The following RAB27A variants were observed in gnomAD, a reference collection of about 807,000 sequenced individuals.
RAB27A encodes the protein RAB27A, member RAS oncogene family, also known as ras-related protein Rab-27A.
A neutral mutation model predicts 20.8 loss-of-function variants in RAB27A; 17 were observed. The ratio of observed to expected loss-of-function variants is 0.82; its 90% confidence interval spans 0.56 to 1.23. The LOEUF is 1.23. RAB27A is among the 50% of genes most tolerant of loss of function. The pLI, the probability that RAB27A is intolerant of heterozygous loss-of-function variation, is 0.00. For missense variants in RAB27A, 277 were observed against 266.7 expected (o/e 1.04, Z -0.27); for synonymous variants, 85 against 92.8 (o/e 0.92, Z 0.48).
At chr15:55,282,084 G>A (rs1898031348) in intron 1 of RAB27A, among the ~76,000 whole-genome samples, 1 of 152,110 alleles carries the variant, frequency 6.6e-6, no homozygotes, top group African/African-American at 2.4e-5. Flanking sequence ...CTTTAACATA[G>A]GGAAATCATA....
intron 1 of RAB27A, among the ~76,000 whole-genome samples, chr15:55,318,322 C>A (rs1179988835): frequency 6.6e-6 from 1 of 151,298 alleles, no homozygotes; most frequent in Non-Finnish European, 1.5e-5. Context: ...TGGTCTCGAT[C>A]CTCTGACCTC....
intron 2 of RAB27A, among the ~76,000 whole-genome samples, chr15:55,299,046 A>G (rs1307377607): frequency 6.6e-6 from 1 of 152,186 alleles, no homozygotes; most frequent in East Asian, 1.9e-4. Flanking sequence ...TCCTGAGGTG[A>G]CATACATCCT....
chr15:55,308,137 C>T (rs2055006103), intron 2 of RAB27A, among the ~76,000 whole-genome samples: 1 of 152,138 alleles, frequency 6.6e-6, no homozygotes, highest in Non-Finnish European at 1.5e-5. Flanking sequence ...AGGGTCCTGC[C>T]TTGCGGCTCT....
chr15:55,316,844 ACTC>A (rs1262326569), intron 1 of RAB27A, among the ~76,000 whole-genome samples: 5 of 151,968 alleles, frequency 3.3e-5, no homozygotes, highest in African/African-American at 7.3e-5. Flanking sequence ...ACTCTCAACT[ACTC>A]CTCCACACTG....
At chr15:55,264,291 T>A (rs546089578) in intron 2 of RAB27A, among the ~76,000 whole-genome samples, 3 of 152,364 alleles carry the variant, frequency 2.0e-5, no homozygotes, top group East Asian at 1.9e-4. Context: ...CCTTAGGTGA[T>A]CAGCCGGCCT....
At chr15:55,300,915 A>G (rs1430307755) in intron 2 of RAB27A, among the ~76,000 whole-genome samples, 3 of 152,202 alleles carry the variant, frequency 2.0e-5, no homozygotes, top group African/African-American at 7.2e-5. Context: ...GGACTCTTCA[A>G]TGCCACAAAA....
At chr15:55,287,186 C>A (rs1898179564) in intron 1 of RAB27A, among the ~76,000 whole-genome samples, 1 of 151,952 alleles carries the variant, frequency 6.6e-6, no homozygotes, top group Non-Finnish European at 1.5e-5. Context: ...TCCCAAAGTG[C>A]TGCGATTACA....
chr15:55,212,588 G>A (rs1191665638), intron 6 of RAB27A, among the ~76,000 whole-genome samples: 1 of 148,008 alleles, frequency 6.8e-6, no homozygotes, highest in Non-Finnish European at 1.5e-5. Context: ...GGAGTGCAGT[G>A]GCGCCATCCT....
intron 2 of RAB27A, among the ~76,000 whole-genome samples, chr15:55,309,490 G>A (rs958183194): frequency 1.3e-5 from 2 of 152,196 alleles, no homozygotes; most frequent in Non-Finnish European, 1.5e-5. Flanking sequence ...GAGTGTCCAG[G>A]TATGAGAACT....
intron 2 of RAB27A, among the ~76,000 whole-genome samples, chr15:55,300,066 C>T (rs558105360): frequency 7.2e-5 from 11 of 152,116 alleles, no homozygotes; most frequent in East Asian, 3.9e-4. Flanking sequence ...GTAATCCGCC[C>T]GCCTCGGCCT....
chr15:55,246,379 G>A (rs939707477), intron 2 of RAB27A, among the ~76,000 whole-genome samples: 4 of 151,618 alleles, frequency 2.6e-5, no homozygotes, highest in Non-Finnish European at 5.9e-5. Flanking sequence ...AGCAGAAAAC[G>A]TTCTGGAAGA....
intron 2 of RAB27A, among the ~76,000 whole-genome samples, chr15:55,298,753 CA>C (rs1193004410): frequency 2.0e-5 from 3 of 152,198 alleles, no homozygotes; most frequent in Non-Finnish European, 2.9e-5. Context: ...TGGGCACACC[CA>C]GGGGGGCCGT....
rs535107847 is a variant in RAB27A at position 55,203,695 on chromosome 15, T to G, written c.*1812A>C. 6 of 151,898 alleles carry G rather than the reference T, an allele frequency of 4.0e-5. No individual in the cohort carries two copies. The highest frequency in any genetic ancestry group is 8.8e-5 in the Non-Finnish European group (6 of 68,086). The allele number at this position is 151,898 out of a possible 1,614,324, so 9.4% of individuals were successfully genotyped here. A position where few individuals can be genotyped will look rare whatever the true frequency, so the allele number is the denominator to read the frequency against. ...CCTCGGCCTCCCAAAGTGCTGGGAT[T>G]ACAGGTGTGAGCCACCGCGCCTGGC... On this transcript the variant is annotated 3_prime_UTR_variant, in exon 7 of 7. Transcript: ENST00000336787.
chr15:55,228,775 C>T, intron 4 of RAB27A, 63 bp from the exon 5 acceptor site: 4 of 1,114,150 alleles, frequency 3.6e-6, no homozygotes, highest in Non-Finnish European at 1.4e-6. Flanking sequence ...TATAAAACTA[C>T]AAGCAATGCC....
chr15:55,251,571 CA>C, intron 2 of RAB27A, among the ~76,000 whole-genome samples: 1 of 151,892 alleles, frequency 6.6e-6, no homozygotes, highest in Admixed American at 6.6e-5. Context: ...CTGATGGGCT[CA>C]AAAATCTATA....
At chr15:55,318,885 T>G (rs909064081) in intron 1 of RAB27A, 1 of 201,994 alleles carries the variant, frequency 5.0e-6, no homozygotes, top group African/African-American at 2.3e-5. Flanking sequence ...ACACCAACAC[T>G]GACGTCTACA....
chr15:55,310,250 T>A (rs887013810), intron 2 of RAB27A, among the ~76,000 whole-genome samples: 2 of 152,136 alleles, frequency 1.3e-5, no homozygotes, highest in African/African-American at 4.8e-5. Flanking sequence ...GGAGGACAGT[T>A]GTCCAGGACA....
intron 5 of RAB27A, among the ~76,000 whole-genome samples, chr15:55,225,125 C>T (rs1895745273): frequency 6.6e-6 from 1 of 152,204 alleles, no homozygotes. Flanking sequence ...GAATACTTAA[C>T]CACAACCTTC....
At chr15:55,287,517 G>A (rs1898187846) in intron 1 of RAB27A, among the ~76,000 whole-genome samples, 1 of 152,138 alleles carries the variant, frequency 6.6e-6, no homozygotes, top group Non-Finnish European at 1.5e-5. Context: ...GGAGGCTGAG[G>A]CAGACAGATC....
Sources: allele counts gnomAD v4.1 joint callset (sites outside exome capture counted in the v4.1 genomes callset), GRCh38; gene constraint gnomAD v4.1.1; transcripts MANE v1.5; gene names NCBI Gene and HGNC (gene_info 2026-07-23, HGNC 2026-07-21).